Variants in LRRTM4 observed in about 807,000 individuals in gnomAD.
LRRTM4 encodes leucine-rich repeat transmembrane neuronal protein 4.
In LRRTM4, 25 loss-of-function variants were observed where a neutral mutation model predicts 47.6. The ratio of observed to expected loss-of-function variants is 0.53; its 90% confidence interval spans 0.38 to 0.73. The LOEUF is 0.73. Among genes scored for constraint, LRRTM4 ranks in the 30% least tolerant of loss-of-function variants. The pLI, the probability that LRRTM4 is intolerant of heterozygous loss-of-function variation, is 0.00. For missense variants in LRRTM4, 638 were observed against 713.4 expected (o/e 0.89, Z 1.20); for synonymous variants, 311 against 269.5 (o/e 1.15, Z -1.51).
intron 3 of LRRTM4, among the ~76,000 whole-genome samples, chr2:77,467,831 T>G (rs1391270721): frequency 1.3e-5 from 2 of 152,194 alleles, no homozygotes; most frequent in Non-Finnish European, 2.9e-5. Flanking sequence ...AAACACATTT[T>G]TGTGTGCTAA....
intron 3 of LRRTM4, among the ~76,000 whole-genome samples, chr2:77,174,347 C>T (rs995130725): frequency 1.3e-5 from 2 of 152,162 alleles, no homozygotes; most frequent in Non-Finnish European, 2.9e-5. Context: ...TTTCAGGCCA[C>T]TGGGTTTTGG....
chr2:77,153,713 T>G (rs932629563), intron 3 of LRRTM4, among the ~76,000 whole-genome samples: 4 of 152,166 alleles, frequency 2.6e-5, no homozygotes, highest in Non-Finnish European at 4.4e-5. Context: ...TTATGAATGC[T>G]TTTAGATTTT....
At chr2:77,336,835 C>T (rs72915940) in intron 3 of LRRTM4, among the ~76,000 whole-genome samples, 4,804 of 152,172 alleles carry the variant, frequency 0.032, 246 homozygotes, top group African/African-American at 0.11. Context: ...CTCATCACTC[C>T]TATTCAGCAT....
intron 3 of LRRTM4, among the ~76,000 whole-genome samples, chr2:77,144,360 G>A (rs1241532833): frequency 2.0e-5 from 3 of 151,962 alleles, no homozygotes; most frequent in Non-Finnish European, 4.4e-5. Context: ...CGGAAACCTG[G>A]GAAGCACATC....
intron 3 of LRRTM4, among the ~76,000 whole-genome samples, chr2:76,869,497 G>A (rs532132203): frequency 6.6e-6 from 1 of 152,136 alleles, no homozygotes; most frequent in South Asian, 2.1e-4. Flanking sequence ...GACATTGTTT[G>A]GCTTATTCTG....
chr2:77,267,587 G>A (rs185219799), intron 3 of LRRTM4, among the ~76,000 whole-genome samples: 122 of 152,204 alleles, frequency 8.0e-4, no homozygotes, highest in South Asian at 6.0e-3. Flanking sequence ...TACTGTATTC[G>A]GGATTAAGTT....
At chr2:76,954,805 T>A (rs1303917915) in intron 3 of LRRTM4, among the ~76,000 whole-genome samples, 1 of 151,800 alleles carries the variant, frequency 6.6e-6, no homozygotes, top group Non-Finnish European at 1.5e-5. Flanking sequence ...AAGCAACTCA[T>A]CACATACAAC....
At chr2:77,360,246 A>T (rs914355842) in intron 3 of LRRTM4, among the ~76,000 whole-genome samples, 1 of 152,108 alleles carries the variant, frequency 6.6e-6, no homozygotes, top group Non-Finnish European at 1.5e-5. Flanking sequence ...TCACGAGGTC[A>T]GGAGACAGAG....
intron 3 of LRRTM4, among the ~76,000 whole-genome samples, chr2:76,911,372 C>T (rs1310864769): frequency 6.6e-6 from 1 of 152,154 alleles, no homozygotes; most frequent in Non-Finnish European, 1.5e-5. Context: ...AAAATGTTTC[C>T]TGGACAGCCA....
chr2:77,146,946 C>A (rs1321255013), intron 3 of LRRTM4, among the ~76,000 whole-genome samples: 7 of 152,060 alleles, frequency 4.6e-5, no homozygotes, highest in African/African-American at 1.4e-4. Flanking sequence ...TCTGACAAAG[C>A]AATTCAAATT....
chr2:77,069,970 G>A (rs1278468151), intron 3 of LRRTM4, among the ~76,000 whole-genome samples: 1 of 152,074 alleles, frequency 6.6e-6, no homozygotes, highest in Admixed American at 6.6e-5. Flanking sequence ...AAGCTCTTAG[G>A]CCTGGCAAGC....
intron 3 of LRRTM4, among the ~76,000 whole-genome samples, chr2:76,889,883 C>T (rs1673196708): frequency 6.6e-6 from 1 of 151,770 alleles, no homozygotes; most frequent in Admixed American, 6.6e-5. Context: ...ATTGCAAAAG[C>T]AAGCAATCAA....
intron 3 of LRRTM4, among the ~76,000 whole-genome samples, chr2:76,847,272 G>C (rs1671863302): frequency 1.3e-5 from 2 of 152,086 alleles, no homozygotes; most frequent in Non-Finnish European, 1.5e-5. Flanking sequence ...TGAAAATTCT[G>C]CTAGACTTAA....
chr2:76,899,734 T>C (rs1673557082), intron 3 of LRRTM4, among the ~76,000 whole-genome samples: 1 of 152,104 alleles, frequency 6.6e-6, no homozygotes, highest in Non-Finnish European at 1.5e-5. Context: ...TTCTGAACAT[T>C]AAATACAAAG....
chr2:77,461,993 C>T (rs1402560407), intron 3 of LRRTM4, among the ~76,000 whole-genome samples: 1 of 152,088 alleles, frequency 6.6e-6, no homozygotes, highest in Non-Finnish European at 1.5e-5. Context: ...ATCTGGAATT[C>T]ACTCCTCTGT....
chr2:77,092,778 T>A (rs894188369), intron 3 of LRRTM4, among the ~76,000 whole-genome samples: 2 of 144,050 alleles, frequency 1.4e-5, no homozygotes, highest in Non-Finnish European at 2.9e-5. Context: ...TACAGTCTGA[T>A]AACAGATGAG....
intron 3 of LRRTM4, among the ~76,000 whole-genome samples, chr2:76,982,246 C>A (rs1161897361): frequency 1.3e-5 from 2 of 151,948 alleles, no homozygotes; most frequent in African/African-American, 4.8e-5. Context: ...AAGTAAGAAA[C>A]CCTCAGCAGA....
chr2:77,252,895 C>CT (rs1675660435), intron 3 of LRRTM4, among the ~76,000 whole-genome samples: 1 of 152,148 alleles, frequency 6.6e-6, no homozygotes, highest in Non-Finnish European at 1.5e-5. Context: ...TGCCTCTCAC[C>CT]TAGACATGTA....
intron 3 of LRRTM4, among the ~76,000 whole-genome samples, chr2:77,141,005 C>G (rs972951923): frequency 2.6e-5 from 4 of 152,112 alleles, no homozygotes; most frequent in African/African-American, 9.7e-5. Flanking sequence ...GAAATAGGAA[C>G]AGTTTTACAC....
Sources: allele counts gnomAD v4.1 joint callset (sites outside exome capture counted in the v4.1 genomes callset), GRCh38; gene constraint gnomAD v4.1.1; transcripts MANE v1.5; gene names NCBI Gene and HGNC (gene_info 2026-07-23, HGNC 2026-07-21).